Variants in ELAVL2 observed in about 807,000 individuals in gnomAD.
ELAVL2 encodes ELAV-like protein 2.
Under a neutral mutation model 34.6 loss-of-function variants are expected in ELAVL2, and 4 were observed. That is an observed-to-expected ratio of 0.12 (90% CI 0.06 to 0.26). ELAVL2 has a LOEUF of 0.26. Ranked by LOEUF, ELAVL2 falls within the 10% of genes least tolerant of loss-of-function variation. The probability of loss-of-function intolerance (pLI) is 1.00; values close to 1 mark genes in which losing one functional copy is unlikely to be tolerated. For missense variants in ELAVL2, 432 were observed against 442.8 expected, an observed-to-expected ratio of 0.98 and a Z score of 0.22; for synonymous variants, 193 against 154.8, an observed-to-expected ratio of 1.25 and a Z score of -1.83.
At chr9:23,823,078 C>T (rs1030836321) in intron 1 of ELAVL2, among the ~76,000 whole-genome samples, 6 of 152,172 alleles carry the variant, frequency 3.9e-5, no homozygotes, top group Non-Finnish European at 7.3e-5. Flanking sequence ...TTTGTGCGAC[C>T]CAGTCTGGGG....
intron 1 of ELAVL2, among the ~76,000 whole-genome samples, chr9:23,801,652 T>G (rs576455771): frequency 7.9e-5 from 12 of 152,330 alleles, no homozygotes; most frequent in African/African-American, 2.4e-4. Context: ...TTAGGGTGTA[T>G]AAAGGTCAAC....
At chr9:23,781,534 T>C (rs1370767290) in intron 1 of ELAVL2, among the ~76,000 whole-genome samples, 2 of 150,642 alleles carry the variant, frequency 1.3e-5, no homozygotes, top group Non-Finnish European at 3.0e-5. Context: ...TTTTTTTTTT[T>C]GAAGATAGGT....
At chr9:23,702,487 G>C (rs1361878585) in intron 4 of ELAVL2, among the ~76,000 whole-genome samples, 1 of 151,956 alleles carries the variant, frequency 6.6e-6, no homozygotes, top group African/African-American at 2.4e-5. Flanking sequence ...GAACAGGCTA[G>C]TGGGGTGACC....
At chr9:23,753,145 G>A (rs751467826) in intron 2 of ELAVL2, among the ~76,000 whole-genome samples, 10 of 152,094 alleles carry the variant, frequency 6.6e-5, no homozygotes, top group Non-Finnish European at 4.4e-5. Flanking sequence ...CTGACAAATC[G>A]AATGACACTC....
intron 1 of ELAVL2, among the ~76,000 whole-genome samples, chr9:23,795,096 C>T (rs2060757400): frequency 1.3e-5 from 2 of 152,078 alleles, no homozygotes; most frequent in African/African-American, 4.8e-5. Context: ...CATTAAAAAA[C>T]ACATTTCTAA....
chr9:23,718,475 G>A (rs990883612), intron 3 of ELAVL2, among the ~76,000 whole-genome samples: 8 of 152,126 alleles, frequency 5.3e-5, no homozygotes, highest in Non-Finnish European at 1.0e-4. Flanking sequence ...AGTAGAAACT[G>A]TACCAGTTTT....
At chr9:23,841,785 A>G in the ELAVL2 span, among the ~76,000 whole-genome samples, 1 of 152,192 alleles carries the variant, frequency 6.6e-6, no homozygotes, top group Non-Finnish European at 1.5e-5. Context: ...AGCTAAAAGA[A>G]AAGTAAATCT....
intron 1 of ELAVL2, among the ~76,000 whole-genome samples, chr9:23,787,412 A>AAT (rs1164383055): frequency 1.3e-5 from 2 of 151,728 alleles, no homozygotes; most frequent in Admixed American, 1.3e-4. Flanking sequence ...TTCTATTTTT[A>AAT]ATAGAGATGG....
At chr9:23,762,306 C>T (rs1424817326) in intron 1 of ELAVL2, 57 bp from the exon 2 acceptor site, 3 of 1,569,816 alleles carry the variant, frequency 1.9e-6, no homozygotes, top group Non-Finnish European at 1.7e-6. Flanking sequence ...CTATTAGAGA[C>T]TCCATCCAAG....
chr9:23,768,296 T>C (rs192359090), intron 1 of ELAVL2, among the ~76,000 whole-genome samples: 51 of 152,254 alleles, frequency 3.3e-4, no homozygotes, highest in African/African-American at 1.2e-3. Flanking sequence ...CCATCTCCCT[T>C]ATTCAAGGCT....
chr9:23,730,702 G>A (rs2046314301), intron 3 of ELAVL2, among the ~76,000 whole-genome samples: 3 of 152,048 alleles, frequency 2.0e-5, no homozygotes, highest in Admixed American at 2.0e-4. Context: ...GACCTTTATA[G>A]AAGAACAAGT....
intron 1 of ELAVL2, among the ~76,000 whole-genome samples, chr9:23,786,435 A>T (rs4977889): frequency 6.6e-6 from 1 of 152,012 alleles, no homozygotes; most frequent in Non-Finnish European, 1.5e-5. Flanking sequence ...CTGAAATGAC[A>T]ACAACCCAAA....
chr9:23,758,884 CTTATG>C (rs752781516), intron 2 of ELAVL2, among the ~76,000 whole-genome samples: 14 of 151,952 alleles, frequency 9.2e-5, no homozygotes, highest in Non-Finnish European at 1.9e-4. Context: ...CAATATAATA[CTTATG>C]TTAAGAAATA....
chr9:23,826,267 T>C (rs946341907), upstream of ELAVL2: 7 of 152,292 alleles, frequency 4.6e-5, no homozygotes, highest in African/African-American at 1.4e-4. Flanking sequence ...GGACCACAGA[T>C]TTATAGCACC....
intron 5 of ELAVL2, among the ~76,000 whole-genome samples, chr9:23,698,743 A>G (rs1184301438): frequency 6.6e-6 from 1 of 152,200 alleles, no homozygotes; most frequent in Non-Finnish European, 1.5e-5. Context: ...TATCAGGTGA[A>G]AGAAGAAGGG....
intron 1 of ELAVL2, among the ~76,000 whole-genome samples, chr9:23,818,565 G>A (rs1007852629): frequency 6.6e-6 from 1 of 152,100 alleles, no homozygotes; most frequent in African/African-American, 2.4e-5. Context: ...AAGAGCTGGG[G>A]GTAGACTGAG....
intron 2 of ELAVL2, among the ~76,000 whole-genome samples, chr9:23,760,834 G>A (rs1300945670): frequency 1.3e-5 from 2 of 152,002 alleles, no homozygotes; most frequent in East Asian, 1.9e-4. Context: ...TGTAGCTTGA[G>A]GAAATATGAT....
chr9:23,707,497 C>T (rs1034918491), intron 3 of ELAVL2, among the ~76,000 whole-genome samples: 1 of 151,354 alleles, frequency 6.6e-6, no homozygotes, highest in Middle Eastern at 3.4e-3. Context: ...CCAGGGCAGG[C>T]ATCTACACAT....
chr9:23,722,952 C>T (rs1041577176), intron 3 of ELAVL2, among the ~76,000 whole-genome samples: 1 of 152,184 alleles, frequency 6.6e-6, no homozygotes. Context: ...TGAAGCCAAA[C>T]TGACCTAGCA....
Sources: allele counts gnomAD v4.1 joint callset (sites outside exome capture counted in the v4.1 genomes callset), GRCh38; gene constraint gnomAD v4.1.1; transcripts MANE v1.5; gene names NCBI Gene and HGNC (gene_info 2026-07-23, HGNC 2026-07-21).